Variants in SGK1 observed in about 807,000 individuals in gnomAD.
SGK1 encodes serine/threonine-protein kinase Sgk1.
SGK1 carries 26 observed loss-of-function variants against 64.2 expected under a neutral mutation model. The observed-to-expected ratio is 0.40, with a 90% CI of 0.30 to 0.56. The LOEUF (loss-of-function observed/expected upper bound fraction) is 0.56. Ranked by LOEUF, SGK1 falls within the 20% of genes least tolerant of loss-of-function variation. The pLI is 0.38. For synonymous variants in SGK1, 265 were observed against 239.7 expected, an observed-to-expected ratio of 1.11 and a Z score of -0.98; for missense variants, 519 against 645.6, an observed-to-expected ratio of 0.80 and a Z score of 2.12.
intron 1 of SGK1, among the ~76,000 whole-genome samples, chr6:134,314,301 C>T (rs377445864): frequency 2.0e-5 from 3 of 149,300 alleles, no homozygotes; most frequent in African/African-American, 7.5e-5. Context: ...GAGGCTTGGC[C>T]GCTTTTATAG....
At chr6:134,198,322 T>C (rs1469066166) in intron 3 of SGK1, among the ~76,000 whole-genome samples, 1 of 152,246 alleles carries the variant, frequency 6.6e-6, no homozygotes, top group Non-Finnish European at 1.5e-5. Context: ...AAGTCTACCA[T>C]GAATATACTG....
intron 3 of SGK1, among the ~76,000 whole-genome samples, chr6:134,203,363 T>A (rs1775718337): frequency 6.6e-6 from 1 of 152,182 alleles, no homozygotes; most frequent in African/African-American, 2.4e-5. Context: ...CTAAAACCTA[T>A]TCAAATAATC....
At chr6:134,174,863 C>T in intron 3 of SGK1, 3 of 1,609,982 alleles carry the variant, frequency 1.9e-6, no homozygotes, top group South Asian at 1.1e-5. Context: ...TCGGCGTATG[C>T]TGCGCCAGGC....
At chr6:134,274,053 G>T (rs1776982682) in intron 1 of SGK1, among the ~76,000 whole-genome samples, 1 of 152,006 alleles carries the variant, frequency 6.6e-6, no homozygotes, top group Admixed American at 6.6e-5. Flanking sequence ...ACCCAGGCTG[G>T]AGTGCAGTGG....
At chr6:134,170,524 T>A (rs1774981413) in intron 13 of SGK1, 89 bp from the exon 14 acceptor site, 2 of 1,239,350 alleles carry the variant, frequency 1.6e-6, no homozygotes, top group South Asian at 2.9e-5. Context: ...ATACCAAGTT[T>A]AAGTCTTATA....
chr6:134,249,052 T>C (rs1039676801), intron 2 of SGK1, among the ~76,000 whole-genome samples: 1 of 152,198 alleles, frequency 6.6e-6, no homozygotes, highest in African/African-American at 2.4e-5. Context: ...GTTAATATTA[T>C]GCTTTCCCAA....
Position 134,207,385 on chromosome 6 carries a change from G to C in SGK1, c.332C>G (p.Pro111Arg). Residue 111 changes from proline (P) to arginine (R), a missense_variant, in exon 3 of 14, where the codon CCA becomes CGA. Physicochemically the swap from Pro to Arg is moderately radical, Grantham distance 103. This residue lies in a region of SGK1 where 241 missense variants were observed against 236.9 expected (regional missense o/e 1.02). Transcript: ENST00000367858. ...NHANILTKPD[P>R]RTFWTNDDPA... is the part of the protein sequence containing the mutation. ...ATCATCATTAGTCCAGAAGGTTCTT[G>C]GATCGGGCTTGGTCAGGATGTTGGC... 6.2e-7 allele frequency: 1 copy of C among 1,612,298 alleles called. No homozygotes were observed. Among genetic ancestry groups the C allele is most frequent in the Non-Finnish European group, 8.5e-7 (1 of 1,178,454 alleles).
chr6:134,206,371 ATATATATATATATTTT>A (rs1228471728), intron 3 of SGK1, among the ~76,000 whole-genome samples: 4 of 4,962 alleles, frequency 8.1e-4, no homozygotes, highest in East Asian at 4.4e-3. Flanking sequence ...ATATATATAT[ATATATATATATATTTT>A]TTTTTTTTTT....
chr6:134,215,815 G>A lies in SGK1; in HGVS notation c.286-8384C>T, dbSNP rs1257693795. 3.3e-5 allele frequency among the ~76,000 whole-genome samples: 5 copies of A among 152,186 alleles called. No homozygotes were observed. In the South Asian group the frequency reaches 8.3e-4, roughly 25 times the overall value. On this transcript the variant is annotated intron_variant, in intron 2 of 13. Coordinates refer to ENST00000367858, the MANE Select transcript of SGK1 (RefSeq NM_001143676.3). ...GTGGATCACCTGAGGCTGGGAGTTC[G>A]AGACCAGCCTGACCAACATGGAGAA...
At chr6:134,312,699 T>C (rs566581299) in intron 1 of SGK1, among the ~76,000 whole-genome samples, 84 of 152,320 alleles carry the variant, frequency 5.5e-4, no homozygotes, top group African/African-American at 1.9e-3. Flanking sequence ...TTCTTCAACT[T>C]CTGTACACCT....
chr6:134,265,162 A>G (rs915956467), intron 1 of SGK1, among the ~76,000 whole-genome samples: 1 of 152,150 alleles, frequency 6.6e-6, no homozygotes, highest in Non-Finnish European at 1.5e-5. Flanking sequence ...ATGTAAAAAC[A>G]TATGTACTAA....
At chr6:134,294,868 G>A (rs1390552159) in intron 1 of SGK1, among the ~76,000 whole-genome samples, 2 of 152,178 alleles carry the variant, frequency 1.3e-5, no homozygotes, top group African/African-American at 4.8e-5. Flanking sequence ...AAGTCTAGAG[G>A]AAAGCTAATA....
intron 3 of SGK1, among the ~76,000 whole-genome samples, chr6:134,200,696 G>C (rs1308803685): frequency 1.3e-5 from 2 of 152,178 alleles, no homozygotes; most frequent in African/African-American, 2.4e-5. Context: ...TTGGGCTCAG[G>C]AGTTCAAGAC....
chr6:134,290,145 C>T (rs769688011), intron 1 of SGK1, among the ~76,000 whole-genome samples: 51 of 108,228 alleles, frequency 4.7e-4, no homozygotes, highest in Non-Finnish European at 8.2e-4. Context: ...AGCAAAGCTC[C>T]TTCTCAAAAA....
chr6:134,171,307 CT>C (rs1175322941), intron 11 of SGK1, 129 bp from the exon 12 acceptor site: 3 of 869,650 alleles, frequency 3.4e-6, no homozygotes, highest in Non-Finnish European at 5.5e-6. Context: ...CACCTCAATG[CT>C]TTCTTTTCCC....
rs1775126853 is a variant in SGK1 at position 134,174,062 on chromosome 6, G to A, written c.456C>T (p.Ile152=). The A allele has an allele frequency of 6.2e-7, 1 of 1,613,420 alleles. No homozygotes were observed. The highest frequency in any genetic ancestry group is 8.5e-7 in the Non-Finnish European group (1 of 1,179,726). Residue 152 remains isoleucine, a synonymous_variant, in exon 5 of 14, where the codon ATC becomes ATT. Coordinates refer to ENST00000367858, the MANE Select transcript of SGK1 (RefSeq NM_001143676.3). ...YACKHPEVQS[I]LKISQPQEPE... ...GCTCCTGAGGTTGGGAGATCTTCAA[G>A]ATGGACTGAACTTCAGGGCTGCAGG...
intron 2 of SGK1, among the ~76,000 whole-genome samples, chr6:134,214,055 ACAT>A (rs1476656453): frequency 6.6e-6 from 1 of 152,062 alleles, no homozygotes; most frequent in Non-Finnish European, 1.5e-5. Context: ...CAAGTCTCAG[ACAT>A]CATAACAATT....
chr6:134,257,607 A>T (rs1776704551), intron 2 of SGK1, among the ~76,000 whole-genome samples: 1 of 151,698 alleles, frequency 6.6e-6, no homozygotes, highest in African/African-American at 2.4e-5. Flanking sequence ...CTTATAGGTC[A>T]TTAAATGCCA....
chr6:134,219,462 T>C (rs749451567), intron 2 of SGK1, among the ~76,000 whole-genome samples: 7 of 152,126 alleles, frequency 4.6e-5, no homozygotes, highest in African/African-American at 7.2e-5. Flanking sequence ...TTGCATTCTA[T>C]ATCAAAACAT....
Sources: allele counts gnomAD v4.1 joint callset (sites outside exome capture counted in the v4.1 genomes callset), GRCh38; gene constraint gnomAD v4.1.1; regional missense constraint gnomAD v4.1.1; transcripts MANE v1.5; gene names NCBI Gene and HGNC (gene_info 2026-07-23, HGNC 2026-07-21).